Variants in FLVCR2 observed in about 807,000 individuals in gnomAD.
FLVCR2 encodes FLVCR choline and putative heme transporter 2.
A neutral mutation model predicts 48.9 loss-of-function variants in FLVCR2; 38 were observed. That is an observed-to-expected ratio of 0.78 (90% CI 0.60 to 1.02). FLVCR2 has a LOEUF of 1.02. Ranked by LOEUF, FLVCR2 falls within the 50% of genes least tolerant of loss-of-function variation. The pLI, the probability that FLVCR2 is intolerant of heterozygous loss-of-function variation, is 0.00. For synonymous variants in FLVCR2, 255 were observed against 257.0 expected (o/e 0.99, Z 0.07); for missense variants, 664 against 663.3 (o/e 1.00, Z -0.01).
Position 75,634,978 on chromosome 14 carries a change from C to G in FLVCR2, c.1089C>G (p.Ile363Met). ...IVIAGMLGAV[I>M]SGIWLDRSKT... is the part of the protein sequence containing the mutation. ...TTGCAGGAATGCTTGGGGCTGTGAT[C>G]TCAGGAATCTGGCTGGATAGGTCCA... Residue 363 changes from isoleucine to methionine, a missense_variant, in exon 5 of 10, where the codon ATC becomes ATG. Ile to Met is a conservative substitution (Grantham distance 10, BLOSUM62 1). Transcript: ENST00000238667. 1 of 1,613,876 alleles carries G rather than the reference C, an allele frequency of 6.2e-7. No homozygotes were observed. The highest frequency in any genetic ancestry group is 8.5e-7 in the Non-Finnish European group (1 of 1,179,786).
intron 1 of FLVCR2, among the ~76,000 whole-genome samples, chr14:75,602,479 T>C (rs902269019): frequency 3.0e-4 from 45 of 152,280 alleles, no homozygotes; most frequent in African/African-American, 1.1e-3. Flanking sequence ...GTCACCTCAT[T>C]AGCATAAACT....
At chr14:75,603,544 T>G (rs1222167889) in intron 1 of FLVCR2, among the ~76,000 whole-genome samples, 1 of 152,214 alleles carries the variant, frequency 6.6e-6, no homozygotes, top group East Asian at 1.9e-4. Flanking sequence ...AATTCGTTTG[T>G]GCTATCTGAT....
intron 3 of FLVCR2, among the ~76,000 whole-genome samples, chr14:75,629,372 G>A (rs117378714): frequency 0.011 from 1,681 of 152,174 alleles, 27 homozygotes; most frequent in South Asian, 0.066. Flanking sequence ...GGTGGAGCTC[G>A]TGCTTGATGT....
chr14:75,589,913 A>G (rs1888841255), intron 1 of FLVCR2, among the ~76,000 whole-genome samples: 1 of 152,230 alleles, frequency 6.6e-6, no homozygotes, highest in African/African-American at 2.4e-5. Context: ...GCAGCTCTGG[A>G]CAGTGAATGC....
chr14:75,595,156 ATAT>A (rs1301337785), intron 1 of FLVCR2, among the ~76,000 whole-genome samples: 2 of 152,238 alleles, frequency 1.3e-5, no homozygotes, highest in Non-Finnish European at 2.9e-5. Flanking sequence ...TGTATCCAAA[ATAT>A]TATTTCAACA....
At position 75,615,280 on chromosome 14, in the gene FLVCR2, C is replaced by T. The variant is rs147816554; in HGVS notation, c.670-6799C>T. 1.1e-3 allele frequency among the ~76,000 whole-genome samples: 162 copies of T among 152,118 alleles called. 1 individual carries two copies. Among genetic ancestry groups the T allele is most frequent in the African/African-American group, 3.8e-3 (156 of 41,490 alleles). On this transcript the variant is annotated intron_variant, in intron 1 of 9. Coordinates refer to ENST00000238667, the MANE Select transcript of FLVCR2 (RefSeq NM_017791.3). ...CAGAAGGGTTTGGGAGGATCTGAGA[C>T]GAAGTGCATATAAGAGGGCAGAGTC...
intron 1 of FLVCR2, among the ~76,000 whole-genome samples, chr14:75,612,291 C>T (rs1889479335): frequency 6.6e-6 from 1 of 152,148 alleles, no homozygotes; most frequent in Admixed American, 6.5e-5. Flanking sequence ...TAACCTCTTT[C>T]ACCCAAAGAA....
intron 2 of FLVCR2, 52 bp downstream of exon 2, chr14:75,622,272 A>G: frequency 1.3e-6 from 2 of 1,574,240 alleles, no homozygotes; most frequent in Non-Finnish European, 1.7e-6. Context: ...GGGCAGGGAG[A>G]TTCTGCTGAC....
intron 1 of FLVCR2, among the ~76,000 whole-genome samples, chr14:75,611,757 C>A (rs954067166): frequency 1.3e-5 from 2 of 151,914 alleles, no homozygotes; most frequent in African/African-American, 4.8e-5. Flanking sequence ...AACAAACAAA[C>A]AAAAAAACCC....
intron 1 of FLVCR2, among the ~76,000 whole-genome samples, chr14:75,589,869 T>G (rs1303740378): frequency 6.6e-6 from 1 of 152,214 alleles, no homozygotes; most frequent in African/African-American, 2.4e-5. Flanking sequence ...AGCCAAGGAA[T>G]GCCATGCCAG....
intron 1 of FLVCR2, among the ~76,000 whole-genome samples, chr14:75,607,367 T>C (rs994262679): frequency 2.0e-5 from 3 of 152,048 alleles, no homozygotes; most frequent in Non-Finnish European, 2.9e-5. Flanking sequence ...TAAAATTTTT[T>C]TAAGAGTTTA....
At chr14:75,605,591 C>A in intron 1 of FLVCR2, 1 of 1,536,134 alleles carries the variant, frequency 6.5e-7, no homozygotes, top group African/African-American at 1.4e-5. Flanking sequence ...ATAACAGCAG[C>A]ACCATCTGTG....
rs536375285 is a variant in FLVCR2 at position 75,628,833 on chromosome 14, G to C, written c.952+4081G>C. The stretch of plus-strand genomic sequence containing the variant: ...TACTTATTTCCCATTGGAGTGTTCT[G>C]AATGGAAGTGAAAGCTTTTAATGCA... On this transcript the variant is annotated intron_variant, in intron 3 of 9. Transcript: ENST00000238667. Among the ~76,000 whole-genome samples the C allele has an allele frequency of 5.3e-5, 8 of 152,294 alleles. No individual in the cohort carries two copies. In the South Asian group the frequency reaches 8.3e-4, roughly 16 times the overall value.
rs546166901 is a variant in FLVCR2 at position 75,612,288 on chromosome 14, T to G, written c.670-9791T>G. Among the ~76,000 whole-genome samples the G allele has an allele frequency of 1.0e-3, 152 of 152,222 alleles. 1 individual carries two copies. Among genetic ancestry groups the G allele is most frequent in the Non-Finnish European group, 1.5e-4 (10 of 68,008 alleles). On this transcript the variant is annotated intron_variant, in intron 1 of 9. Transcript: ENST00000238667. ...CTGCTTCCTGCATTTCTCTAACCTC[T>G]TTCACCCAAAGAACTGAGGGAATCC...
chr14:75,644,243 GA>G (rs1890366042), intron 9 of FLVCR2, among the ~76,000 whole-genome samples: 1 of 152,208 alleles, frequency 6.6e-6, no homozygotes, highest in Non-Finnish European at 1.5e-5. Flanking sequence ...GCTTCCCAGA[GA>G]TAACCTAGTA....
intron 6 of FLVCR2, among the ~76,000 whole-genome samples, chr14:75,640,174 G>A (rs1247230724): frequency 2.7e-5 from 4 of 150,136 alleles, no homozygotes; most frequent in East Asian, 2.0e-4. Context: ...CAGGAGAATC[G>A]CTGGCACCTG....
At chr14:75,583,558 G>A (rs967852680) in intron 1 of FLVCR2, among the ~76,000 whole-genome samples, 1 of 152,108 alleles carries the variant, frequency 6.6e-6, no homozygotes, top group Non-Finnish European at 1.5e-5. Flanking sequence ...CGCGAAGGAG[G>A]CTTTGAACTG....
At chr14:75,646,178 T>C (rs1404677315) in intron 9 of FLVCR2, among the ~76,000 whole-genome samples, 1 of 152,164 alleles carries the variant, frequency 6.6e-6, no homozygotes, top group African/African-American at 2.4e-5. Flanking sequence ...TGCCCCTTTT[T>C]CCCTCTGATG....
chr14:75,641,420 T>C (rs1890306472), intron 8 of FLVCR2, 127 bp downstream of exon 8: 3 of 721,358 alleles, frequency 4.2e-6, no homozygotes, highest in Admixed American at 2.0e-5. Context: ...GGGGAATCTG[T>C]TGGGAGGCAG....
Sources: allele counts gnomAD v4.1 joint callset (sites outside exome capture counted in the v4.1 genomes callset), GRCh38; gene constraint gnomAD v4.1.1; transcripts MANE v1.5; gene names NCBI Gene and HGNC (gene_info 2026-07-23, HGNC 2026-07-21).